The following CIMAP1D variants were observed in gnomAD, a reference collection of about 807,000 sequenced individuals.
CIMAP1D encodes the protein protein CIMAP1D.
At chr19:490,046 A>G in the CIMAP1D span, 6 of 398,422 alleles carry the variant, frequency 1.5e-5, no homozygotes, top group Middle Eastern at 1.2e-3. Flanking sequence ...GGTAGTAAGT[A>G]AAATAAATCG....
the CIMAP1D span, among the ~76,000 whole-genome samples, chr19:474,394 C>T: frequency 6.6e-6 from 1 of 152,234 alleles, no homozygotes. Flanking sequence ...GAAGGGGACC[C>T]GGCTGGCAAA....
the CIMAP1D span, among the ~76,000 whole-genome samples, chr19:486,600 C>T: frequency 6.6e-6 from 1 of 151,866 alleles, no homozygotes; most frequent in African/African-American, 2.4e-5. Flanking sequence ...GTCACCACAC[C>T]CAGCTAATTT....
the CIMAP1D span, among the ~76,000 whole-genome samples, chr19:485,655 C>A: frequency 6.6e-6 from 1 of 152,212 alleles, no homozygotes; most frequent in African/African-American, 2.4e-5. Context: ...GTGTGAGCCA[C>A]GGTGCCAGCC....
chr19:485,903 C>T, the CIMAP1D span, among the ~76,000 whole-genome samples: 2 of 152,200 alleles, frequency 1.3e-5, no homozygotes, highest in Non-Finnish European at 2.9e-5. Flanking sequence ...TTCCCTGAGG[C>T]TGCTCACTGC....
chr19:491,357 T>G, the CIMAP1D span, among the ~76,000 whole-genome samples: 4 of 152,144 alleles, frequency 2.6e-5, no homozygotes, highest in African/African-American at 9.7e-5. Flanking sequence ...CTCTCTAGTC[T>G]CAAACCCGGC....
chr19:477,513 G>A, the CIMAP1D span, among the ~76,000 whole-genome samples: 20 of 146,324 alleles, frequency 1.4e-4, no homozygotes, highest in Non-Finnish European at 2.2e-4. Context: ...GAACCCTGGA[G>A]GTGGAGGTTG....
the CIMAP1D span, among the ~76,000 whole-genome samples, chr19:476,609 T>C: frequency 3.3e-5 from 5 of 152,224 alleles, no homozygotes; most frequent in Admixed American, 2.0e-4. Flanking sequence ...CAAAATGGTA[T>C]AGTCTACATA....
At chr19:478,182 G>A in the CIMAP1D span, among the ~76,000 whole-genome samples, 835 of 152,312 alleles carry the variant, frequency 5.5e-3, 9 homozygotes, top group African/African-American at 0.018. Context: ...GACCAAAGCT[G>A]CTCCTTCACC....
chr19:479,968 G>A, the CIMAP1D span, among the ~76,000 whole-genome samples: 4 of 151,962 alleles, frequency 2.6e-5, no homozygotes, highest in African/African-American at 9.7e-5. Context: ...TTGTCCCTTC[G>A]TTCAGTCTTA....
chr19:471,025 G>A, the CIMAP1D span, among the ~76,000 whole-genome samples: 3 of 152,240 alleles, frequency 2.0e-5, no homozygotes, highest in African/African-American at 7.2e-5. Context: ...GGCCAGGCCC[G>A]GGGAGCCCCC....
At chr19:476,378 T>C in the CIMAP1D span, among the ~76,000 whole-genome samples, 2 of 151,872 alleles carry the variant, frequency 1.3e-5, no homozygotes, top group African/African-American at 4.8e-5. Context: ...TTAGTAGAGA[T>C]GGGGTTTCTC....
At chr19:481,191 G>T in the CIMAP1D span, among the ~76,000 whole-genome samples, 2 of 144,640 alleles carry the variant, frequency 1.4e-5, no homozygotes, top group Non-Finnish European at 3.0e-5. Context: ...ATGTGGGAAG[G>T]ATGATGGGGA....
the CIMAP1D span, among the ~76,000 whole-genome samples, chr19:482,857 C>T: frequency 6.6e-6 from 1 of 152,174 alleles, no homozygotes; most frequent in Non-Finnish European, 1.5e-5. Context: ...CAGCCCCGCC[C>T]CTCGACGGGC....
chr19:472,649 C>T, the CIMAP1D span: 3 of 529,504 alleles, frequency 5.7e-6, no homozygotes, highest in Admixed American at 3.6e-5. Flanking sequence ...TGCTGCCCGT[C>T]GGGGACAAAA....
chr19:473,192 G>A, the CIMAP1D span, among the ~76,000 whole-genome samples: 9 of 50,880 alleles, frequency 1.8e-4, no homozygotes, highest in East Asian at 1.2e-3. Flanking sequence ...AGAGATACAC[G>A]GTCACAGATG....
chr19:481,241 G>GA, the CIMAP1D span, among the ~76,000 whole-genome samples: 109 of 147,002 alleles, frequency 7.4e-4, no homozygotes, highest in African/African-American at 2.2e-3. Context: ...TGATGGGAAG[G>GA]ATGATGGGAA....
chr19:472,425 G>A, the CIMAP1D span: 14 of 1,544,822 alleles, frequency 9.1e-6, no homozygotes, highest in Middle Eastern at 1.7e-4. Context: ...GCGAGTAGGC[G>A]GGACTGGCCA....
chr19:474,637 C>T, the CIMAP1D span: 26 of 1,566,974 alleles, frequency 1.7e-5, 1 homozygote, highest in South Asian at 1.2e-4. Flanking sequence ...CCAGGGTGGC[C>T]GTCCCACAGG....
At chr19:463,992 C>A in the CIMAP1D span, 1 of 1,609,804 alleles carries the variant, frequency 6.2e-7, no homozygotes, top group South Asian at 1.1e-5. Context: ...GCAGTGGGCG[C>A]CAGGGCCGGG....
Sources: allele counts gnomAD v4.1 joint callset (sites outside exome capture counted in the v4.1 genomes callset), GRCh38; gene constraint gnomAD v4.1.1; transcripts MANE v1.5; gene names NCBI Gene and HGNC (gene_info 2026-07-23, HGNC 2026-07-21).